Variants in STARD13 observed in about 807,000 individuals in gnomAD.
STARD13 encodes the protein stAR-related lipid transfer protein 13.
In STARD13, 62 loss-of-function variants were observed where a neutral mutation model predicts 106.4. That is an observed-to-expected ratio of 0.58 (90% CI 0.48 to 0.72). The LOEUF is 0.72. Ranked by LOEUF, STARD13 falls within the 30% of genes least tolerant of loss-of-function variation. STARD13 has a pLI of 0.00. For synonymous variants in STARD13, 565 were observed against 553.0 expected, an observed-to-expected ratio of 1.02 and a Z score of -0.31; for missense variants, 1,387 against 1,424.0, an observed-to-expected ratio of 0.97 and a Z score of 0.42.
At chr13:33,453,805 C>A in the STARD13 span, among the ~76,000 whole-genome samples, 2 of 152,136 alleles carry the variant, frequency 1.3e-5, no homozygotes, top group Admixed American at 1.3e-4. Flanking sequence ...GGATTTGGGG[C>A]CCTGCTAATT....
intron 1 of STARD13, among the ~76,000 whole-genome samples, chr13:33,267,494 C>G (rs540166076): frequency 1.3e-5 from 2 of 152,266 alleles, no homozygotes; most frequent in East Asian, 3.9e-4. Flanking sequence ...TTCCTCAGAG[C>G]CTGTTTAAGG....
the STARD13 span, chr13:33,611,253 G>A: frequency 6.6e-6 from 1 of 152,226 alleles, no homozygotes; most frequent in Non-Finnish European, 1.5e-5. Context: ...CCACTGTGCT[G>A]GGCCTGCTGA....
At chr13:33,569,768 T>C in the STARD13 span, among the ~76,000 whole-genome samples, 2 of 148,042 alleles carry the variant, frequency 1.4e-5, 1 homozygote, top group Non-Finnish European at 3.0e-5. Context: ...TTATTAACTT[T>C]CAGACAGAAA....
chr13:33,195,091 A>C (rs1235106407), intron 1 of STARD13, among the ~76,000 whole-genome samples: 1 of 152,206 alleles, frequency 6.6e-6, no homozygotes, highest in Non-Finnish European at 1.5e-5. Flanking sequence ...CTGGAAGAAA[A>C]CATTATCTGG....
chr13:33,172,081 T>C (rs545753443), intron 1 of STARD13, among the ~76,000 whole-genome samples: 13 of 152,188 alleles, frequency 8.5e-5, no homozygotes, highest in Non-Finnish European at 1.9e-4. Context: ...AAAGTCACAA[T>C]GAATGAAAAA....
the STARD13 span, among the ~76,000 whole-genome samples, chr13:33,435,165 T>C: frequency 1.2e-4 from 18 of 152,332 alleles, no homozygotes; most frequent in African/African-American, 4.3e-4. Flanking sequence ...TATTTGTTAG[T>C]AGGGCAGGTT....
At chr13:33,248,448 C>T (rs1889939058) in intron 1 of STARD13, among the ~76,000 whole-genome samples, 1 of 152,124 alleles carries the variant, frequency 6.6e-6, no homozygotes, top group Non-Finnish European at 1.5e-5. Context: ...CTATGGCGAT[C>T]CTGGGCATGT....
At chr13:33,614,616 C>T in the STARD13 span, among the ~76,000 whole-genome samples, 2 of 152,048 alleles carry the variant, frequency 1.3e-5, no homozygotes, top group African/African-American at 4.8e-5. Context: ...TAATCAAGTG[C>T]CATGAAAAAA....
the STARD13 span, among the ~76,000 whole-genome samples, chr13:33,490,188 T>G: frequency 1.3e-5 from 2 of 152,156 alleles, no homozygotes; most frequent in East Asian, 3.8e-4. Flanking sequence ...ACATGCTTAT[T>G]TTGCGCTGGG....
At chr13:33,400,523 A>G in the STARD13 span, among the ~76,000 whole-genome samples, 4 of 150,852 alleles carry the variant, frequency 2.7e-5, no homozygotes, top group African/African-American at 7.3e-5. Context: ...GTGTAGTGGC[A>G]CAATCTCAGC....
the STARD13 span, among the ~76,000 whole-genome samples, chr13:33,381,448 A>T: frequency 6.6e-6 from 1 of 152,230 alleles, no homozygotes; most frequent in Non-Finnish European, 1.5e-5. Flanking sequence ...TTTAGAAATT[A>T]TAATTCCTTG....
intron 1 of STARD13, among the ~76,000 whole-genome samples, chr13:33,263,840 A>AT (rs888963599): frequency 6.6e-6 from 1 of 152,168 alleles, no homozygotes. Context: ...TCAAACATAT[A>AT]TTTTTTTAAT....
At chr13:33,160,413 AAAGC>A (rs1484342800) in intron 3 of STARD13, among the ~76,000 whole-genome samples, 1 of 152,194 alleles carries the variant, frequency 6.6e-6, no homozygotes, top group Non-Finnish European at 1.5e-5. Flanking sequence ...TATGACATTA[AAAGC>A]ATAAATAAAA....
At position 33,110,607 on chromosome 13, in the gene STARD13, T is replaced by C. The variant is rs1445125861; in HGVS notation, c.2829+79A>G. ...TGCCAAGCCCTGTGGACACAGCAGCTGTTTTCAATGCAAAAACAAATGTCT... is the reference window on the plus strand; with the variant it reads ...TGCCAAGCCCTGTGGACACAGCAGCCGTTTTCAATGCAAAAACAAATGTCT... On this transcript the variant is annotated intron_variant, in intron 11 of 13. Coordinates refer to ENST00000336934, the MANE Select transcript of STARD13 (RefSeq NM_178006.4). The C allele has an allele frequency of 5.0e-5, 62 of 1,228,614 alleles. No homozygotes were observed. The South Asian group carries it at 7.3e-4, about 15-fold the overall frequency. The allele number at this position is 1,228,614 out of a possible 1,614,324, so 76.1% of individuals were successfully genotyped here. A position where few individuals can be genotyped will look rare whatever the true frequency, so the allele number is the denominator to read the frequency against.
chr13:33,214,545 TC>T (rs1212542281), intron 1 of STARD13, among the ~76,000 whole-genome samples: 9 of 152,184 alleles, frequency 5.9e-5, no homozygotes, highest in African/African-American at 2.2e-4. Context: ...TGCAGGAACA[TC>T]CGCGCCGAGT....
intron 4 of STARD13, among the ~76,000 whole-genome samples, chr13:33,139,032 G>A (rs1441837891): frequency 6.6e-6 from 1 of 152,076 alleles, no homozygotes; most frequent in Non-Finnish European, 1.5e-5. Context: ...TCTTCCTTGT[G>A]TCAGCCCACC....
chr13:33,175,929 A>G (rs1021595673), intron 1 of STARD13, among the ~76,000 whole-genome samples: 3 of 152,198 alleles, frequency 2.0e-5, no homozygotes, highest in African/African-American at 7.2e-5. Context: ...TGGTACTCCA[A>G]TTACCCAAGA....
intron 7 of STARD13, among the ~76,000 whole-genome samples, chr13:33,119,593 T>C (rs890816239): frequency 2.0e-5 from 3 of 152,206 alleles, no homozygotes; most frequent in African/African-American, 7.2e-5. Flanking sequence ...CATTAGAGCA[T>C]ACTCAGGTTT....
At chr13:33,301,803 C>T (rs1192278354) in intron 1 of STARD13, among the ~76,000 whole-genome samples, 1 of 152,010 alleles carries the variant, frequency 6.6e-6, no homozygotes, top group Non-Finnish European at 1.5e-5. Context: ...CTCCTAACCT[C>T]GTGATCCACC....
Sources: allele counts gnomAD v4.1 joint callset (sites outside exome capture counted in the v4.1 genomes callset), GRCh38; gene constraint gnomAD v4.1.1; transcripts MANE v1.5; gene names NCBI Gene and HGNC (gene_info 2026-07-23, HGNC 2026-07-21).